Variants in DDX60L observed in about 807,000 individuals in gnomAD.
DDX60L encodes the protein probable ATP-dependent RNA helicase DDX60-like.
A neutral mutation model predicts 211.6 loss-of-function variants in DDX60L; 191 were observed. The ratio of observed to expected loss-of-function variants is 0.90; its 90% CI spans 0.80 to 1.02. DDX60L has a LOEUF of 1.02. Among genes scored for constraint, DDX60L ranks in the 50% least tolerant of loss-of-function variants. The probability of loss-of-function intolerance (pLI) is 0.00; values close to 1 mark genes in which losing one functional copy is unlikely to be tolerated. For synonymous variants in DDX60L, 706 were observed against 694.1 expected, an observed-to-expected ratio of 1.02 and a Z score of -0.27; for missense variants, 2,007 against 1,984.1, an observed-to-expected ratio of 1.01 and a Z score of -0.22.
intron 22 of DDX60L, among the ~76,000 whole-genome samples, chr4:168,412,358 T>C (rs1031897328): frequency 3.3e-5 from 5 of 152,032 alleles, no homozygotes; most frequent in Admixed American, 2.0e-4. Flanking sequence ...GAAAAGCCTG[T>C]TGGCCTGAAG....
At chr4:168,372,099 A>G (rs1296380842) in intron 35 of DDX60L, among the ~76,000 whole-genome samples, 1 of 152,192 alleles carries the variant, frequency 6.6e-6, no homozygotes, top group Non-Finnish European at 1.5e-5. Flanking sequence ...AAGGAAAAAT[A>G]AATAGAAGCT....
chr4:168,379,375 G>C lies in DDX60L; in HGVS notation c.4351C>G (p.Pro1451Ala). Residue 1451 changes from proline (P) to alanine (A), a missense_variant, in exon 32 of 38, where the codon CCA becomes GCA. Pro to Ala is a conservative substitution (Grantham distance 27). Transcript: ENST00000682922. Reference protein sequence around the residue: ...KRGLFHNLCKPAWKGSQQFSQ... With the variant: ...KRGLFHNLCKAAWKGSQQFSQ... ...AACCCAAGCTTACCTTTCCAGGCTG[G>C]CTTACAGAGATTATGGAAAAGGCCT... 1.3e-6 allele frequency: 2 copies of C among 1,585,656 alleles called. No individual in the cohort carries two copies. Among genetic ancestry groups the C allele is most frequent in the Non-Finnish European group, 1.7e-6 (2 of 1,171,328 alleles).
At position 168,384,702 on chromosome 4, in the gene DDX60L, CA is replaced by C. The variant is rs1415963079; in HGVS notation, c.4025del (p.Leu1342ArgfsTer9). On this transcript the variant is annotated frameshift_variant, in exon 30 of 38. Transcript: ENST00000682922. LOFTEE classifies it high-confidence loss of function. ...KRLLASSVPE[L>X]RGQFPLSITL... ...TTATGCTGAGAGGGAACTGTCCTCTCAGCTCAGGAACACTGGATGCAAGGAG... is the reference window on the plus strand; with the variant it reads ...TTATGCTGAGAGGGAACTGTCCTCTCGCTCAGGAACACTGGATGCAAGGAG... 6.2e-7 allele frequency: 1 copy of C among 1,613,808 alleles called. No homozygotes were observed.
chr4:168,452,496 G>T (rs1755936863), intron 8 of DDX60L, among the ~76,000 whole-genome samples: 1 of 152,090 alleles, frequency 6.6e-6, no homozygotes, highest in South Asian at 2.1e-4. Flanking sequence ...TGATTATTAG[G>T]CATTGCATGC....
chr4:168,406,429 A>G lies in DDX60L; in HGVS notation c.3084+173T>C, dbSNP rs549028687. On this transcript the variant is annotated intron_variant, in intron 23 of 37. Coordinates refer to ENST00000682922, the MANE Select transcript of DDX60L (RefSeq NM_001012967.3). ...TACAGAATATTCCATGCTACGTACA[A>G]TAATAAAGTCACAAAGAATGGCTGA... Among the ~76,000 whole-genome samples the G allele has an allele frequency of 2.6e-5, 4 of 152,318 alleles. No homozygotes were observed. In the East Asian group the frequency reaches 7.7e-4, roughly 29 times the overall value.
At position 168,358,196 on chromosome 4, in the gene DDX60L, T is replaced by C. The variant is rs777712963; in HGVS notation, c.5072A>G (p.Glu1691Gly). The change falls in exon 38 of 38, where the codon GAG becomes GGG. Residue 1691 changes from glutamate (E) to glycine (G), a missense_variant. By Grantham distance (98) the Glu-to-Gly change is moderately conservative. Transcript: ENST00000682922. ...AFKQLSQTFYEKLQEMQIQMS... is the reference protein window; with the variant it reads ...AFKQLSQTFYGKLQEMQIQMS... ...TTGAATTTGCATTTCTTGAAGTTTC[T>C]CATAAAAGGTTTGACTCAATTGTTT... The C allele has an allele frequency of 8.7e-6, 14 of 1,606,354 alleles. No individual in the cohort carries two copies. The South Asian group carries it at 1.5e-4, about 17-fold the overall frequency.
chr4:168,400,289 C>T (rs1746569194), intron 26 of DDX60L, among the ~76,000 whole-genome samples: 2 of 152,114 alleles, frequency 1.3e-5, no homozygotes, highest in African/African-American at 4.8e-5. Flanking sequence ...AGGTTGATTC[C>T]ATGTCTTTGC....
At chr4:168,378,852 G>T (rs563581875) in intron 32 of DDX60L, among the ~76,000 whole-genome samples, 1 of 152,028 alleles carries the variant, frequency 6.6e-6, no homozygotes, top group African/African-American at 2.4e-5. Context: ...GTATCTCAAC[G>T]GCTAATTGAA....
chr4:168,395,269 A>G (rs530450737), intron 27 of DDX60L, among the ~76,000 whole-genome samples: 1 of 152,352 alleles, frequency 6.6e-6, no homozygotes, highest in African/African-American at 2.4e-5. Flanking sequence ...ATAATAATGT[A>G]GCTCTATTGT....
intron 4 of DDX60L, chr4:168,470,318 T>A (rs980388490): frequency 2.6e-5 from 4 of 152,206 alleles, no homozygotes. Flanking sequence ...AAAACTTACG[T>A]CCACACGAAG....
intron 17 of DDX60L, among the ~76,000 whole-genome samples, chr4:168,420,639 C>CGAGATAGATAGATAG (rs760438181): frequency 9.4e-6 from 1 of 106,606 alleles, no homozygotes; most frequent in African/African-American, 3.3e-5. Flanking sequence ...CACACACACA[C>CGAGATAGATAGATAG]ATGAGATAGA....
chr4:168,407,997 G>A (rs1427490112), intron 22 of DDX60L, among the ~76,000 whole-genome samples: 1 of 152,172 alleles, frequency 6.6e-6, no homozygotes, highest in Non-Finnish European at 1.5e-5. Context: ...CTAGCTAGTT[G>A]GCAGGGACTT....
At chr4:168,439,337 T>C (rs1228381222) in intron 10 of DDX60L, among the ~76,000 whole-genome samples, 1 of 152,000 alleles carries the variant, frequency 6.6e-6, no homozygotes, top group Non-Finnish European at 1.5e-5. Context: ...TAGAAGAGCC[T>C]GATCCAATCA....
chr4:168,425,144 C>T (rs2149901093), intron 14 of DDX60L, among the ~76,000 whole-genome samples: 1 of 152,344 alleles, frequency 6.6e-6, no homozygotes, highest in East Asian at 1.9e-4. Context: ...AACTGCCTAT[C>T]TCTGGACTTC....
At chr4:168,473,781 A>G (rs1455960752) in intron 1 of DDX60L, among the ~76,000 whole-genome samples, 1 of 152,210 alleles carries the variant, frequency 6.6e-6, no homozygotes, top group South Asian at 2.1e-4. Flanking sequence ...CACTCCCAAA[A>G]TGAACTTTTG....
At chr4:168,420,139 T>A (rs1750256628) in intron 18 of DDX60L, 122 bp downstream of exon 18, 3 of 894,712 alleles carry the variant, frequency 3.4e-6, no homozygotes, top group Admixed American at 8.0e-5. Context: ...CAATTTCATT[T>A]TCTTTGTGAA....
chr4:168,463,276 A>G (rs148592983), intron 4 of DDX60L, among the ~76,000 whole-genome samples: 113 of 152,382 alleles, frequency 7.4e-4, no homozygotes, highest in Non-Finnish European at 1.4e-3. Context: ...TGGTACATAT[A>G]CATCATGGAA....
Position 168,357,614 on chromosome 4 carries a change from G to C in DDX60L, c.*533C>G, listed in dbSNP as rs1451503796. ...CATCTCCTAATACCATCACATTGAGGGTTAGAATTTCAATATAAAAATTTT... is the reference window on the plus strand; with the variant it reads ...CATCTCCTAATACCATCACATTGAGCGTTAGAATTTCAATATAAAAATTTT... On this transcript the variant is annotated 3_prime_UTR_variant, in exon 38 of 38. Transcript: ENST00000682922. 6.5e-6 allele frequency: 1 copy of C among 154,782 alleles called. No individual in the cohort carries two copies. Among genetic ancestry groups the C allele is most frequent in the African/African-American group, 2.4e-5 (1 of 41,430 alleles). The allele number at this position is 154,782 out of a possible 1,614,324, so 9.6% of individuals were successfully genotyped here.
At chr4:168,378,535 C>A in intron 32 of DDX60L, 60 bp from the exon 33 acceptor site, 1 of 1,324,510 alleles carries the variant, frequency 7.5e-7, no homozygotes. Flanking sequence ...TTATTTTCTG[C>A]CTAAATTTGT....
Sources: allele counts gnomAD v4.1 joint callset (sites outside exome capture counted in the v4.1 genomes callset), GRCh38; gene constraint gnomAD v4.1.1; transcripts MANE v1.5; gene names NCBI Gene and HGNC (gene_info 2026-07-23, HGNC 2026-07-21).